Variants in CNOT10 observed in about 807,000 individuals in gnomAD.
The protein encoded by CNOT10 is CCR4-NOT transcription complex subunit 10.
Under a neutral mutation model 94.6 loss-of-function variants are expected in CNOT10, and 30 were observed. The ratio of observed to expected loss-of-function variants is 0.32; its 90% CI spans 0.24 to 0.43. The LOEUF (loss-of-function observed/expected upper bound fraction) is 0.43. CNOT10 is among the 20% of genes least tolerant of loss of function. The probability of loss-of-function intolerance (pLI) is 1.00; values close to 1 mark genes in which losing one functional copy is unlikely to be tolerated. For synonymous variants in CNOT10, 289 were observed against 301.6 expected, an observed-to-expected ratio of 0.96 and a Z score of 0.43; for missense variants, 759 against 877.2, an observed-to-expected ratio of 0.87 and a Z score of 1.70.
chr3:32,773,126 C>T (rs567430811), intron 18 of CNOT10, among the ~76,000 whole-genome samples: 8 of 152,200 alleles, frequency 5.3e-5, no homozygotes, highest in Non-Finnish European at 8.8e-5. Context: ...CTTGGCCTCC[C>T]AAAGTACTAG....
At chr3:32,762,700 C>G in intron 14 of CNOT10, 33 bp from the exon 15 acceptor site, 1 of 1,574,544 alleles carries the variant, frequency 6.4e-7, no homozygotes, top group Non-Finnish European at 8.6e-7. Flanking sequence ...TGACGTTGTA[C>G]TTTTCAGTTT....
At chr3:32,765,005 G>T in intron 17 of CNOT10, 196 bp downstream of exon 17, 1 of 1,508,506 alleles carries the variant, frequency 6.6e-7, no homozygotes, top group Middle Eastern at 1.7e-4. Context: ...TTAAAGGAAA[G>T]TTCTTCTTGA....
chr3:32,740,861 TA>T (rs35227726), intron 13 of CNOT10, among the ~76,000 whole-genome samples: 59,494 of 137,304 alleles, frequency 0.43, 14,612 homozygotes, highest in Non-Finnish European at 0.55. Context: ...GACTCCGTCT[TA>T]AAAAAAAAAA....
chr3:32,690,705 C>T (rs1232771456), intron 1 of CNOT10, among the ~76,000 whole-genome samples: 1 of 151,960 alleles, frequency 6.6e-6, no homozygotes, highest in Non-Finnish European at 1.5e-5. Context: ...TGCCACCATG[C>T]CCGGCTAGTT....
At chr3:32,764,414 CTGT>C in intron 15 of CNOT10, 38 bp from the exon 16 acceptor site, 1 of 1,604,594 alleles carries the variant, frequency 6.2e-7, no homozygotes, top group South Asian at 1.1e-5. Context: ...AAAATATGCT[CTGT>C]TGTTCTGCCC....
chr3:32,746,330 G>C (rs764335338), intron 13 of CNOT10, among the ~76,000 whole-genome samples: 2 of 152,126 alleles, frequency 1.3e-5, no homozygotes, highest in Admixed American at 1.3e-4. Flanking sequence ...TACATTTATT[G>C]TGCACTGTAT....
intron 13 of CNOT10, among the ~76,000 whole-genome samples, chr3:32,751,123 C>T (rs1234138501): frequency 6.6e-6 from 1 of 152,134 alleles, no homozygotes; most frequent in Admixed American, 6.5e-5. Context: ...TTTTTTGAGA[C>T]AGGGTCTTGC....
At chr3:32,738,015 T>A (rs938639418) in intron 13 of CNOT10, among the ~76,000 whole-genome samples, 9 of 152,182 alleles carry the variant, frequency 5.9e-5, no homozygotes, top group Admixed American at 5.2e-4. Context: ...TGGTCCATAC[T>A]TTTCTTTCCT....
intron 13 of CNOT10, among the ~76,000 whole-genome samples, chr3:32,752,089 G>A (rs953235542): frequency 6.6e-6 from 1 of 151,952 alleles, no homozygotes; most frequent in African/African-American, 2.4e-5. Flanking sequence ...GGGATTTCGG[G>A]ACCAGCCTGA....
intron 17 of CNOT10, among the ~76,000 whole-genome samples, chr3:32,767,447 AGGT>A (rs1178957716): frequency 3.7e-5 from 5 of 136,164 alleles, no homozygotes; most frequent in Non-Finnish European, 7.6e-5. Flanking sequence ...TGAACGCAGG[AGGT>A]GGAGGTTGTG....
chr3:32,685,408 C>T lies in CNOT10; in HGVS notation c.-53C>T. On this transcript the variant is annotated 5_prime_UTR_variant, in exon 1 of 19. Coordinates refer to ENST00000328834, the MANE Select transcript of CNOT10 (RefSeq NM_015442.3). ...TCCAGGACAGCGGCCAGCCCGGCGG[C>T]GGGAGTCAGGGCCACGCCACCTGCA... 1.3e-6 allele frequency: 2 copies of T among 1,548,100 alleles called. No individual in the cohort carries two copies. Among genetic ancestry groups the T allele is most frequent in the Non-Finnish European group, 1.7e-6 (2 of 1,145,138 alleles).
At chr3:32,716,350 A>T (rs1396747028) in intron 6 of CNOT10, 39 bp downstream of exon 6, 1 of 986,504 alleles carries the variant, frequency 1.0e-6, no homozygotes, top group Non-Finnish European at 1.6e-6. Flanking sequence ...CATCACATAT[A>T]TTTAATTGTA....
At chr3:32,735,292 C>T (rs962152654) in intron 12 of CNOT10, among the ~76,000 whole-genome samples, 7 of 148,252 alleles carry the variant, frequency 4.7e-5, no homozygotes, top group African/African-American at 1.8e-4. Context: ...TTGCAGCGAG[C>T]CGAGATTGTG....
chr3:32,766,620 G>A (rs1401111434), intron 17 of CNOT10, among the ~76,000 whole-genome samples: 4 of 140,554 alleles, frequency 2.8e-5, no homozygotes, highest in Non-Finnish European at 3.1e-5. Flanking sequence ...GCAACAGAGC[G>A]GGACTCTGTC....
At chr3:32,733,827 C>A (rs1260226213) in intron 11 of CNOT10, among the ~76,000 whole-genome samples, 1 of 152,096 alleles carries the variant, frequency 6.6e-6, no homozygotes, top group African/African-American at 2.4e-5. Flanking sequence ...AAGAGGGCAT[C>A]TTGGTATTTC....
chr3:32,735,901 G>A (rs1699165975), intron 12 of CNOT10, among the ~76,000 whole-genome samples: 1 of 152,114 alleles, frequency 6.6e-6, no homozygotes. Context: ...AAGAGTTCAA[G>A]TCTAGTCTGG....
rs550257168 is a variant in CNOT10 at position 32,756,874 on chromosome 3, C to T, written c.1596-2584C>T. Among the ~76,000 whole-genome samples, 15 of 151,852 alleles carry T rather than the reference C, an allele frequency of 9.9e-5. No individual in the cohort carries two copies. The East Asian group carries it at 1.9e-3, about 20-fold the overall frequency. ...CTATAATCCCAGCACTTTGGGAGGCCGAGGCGGGCAGATCACAAGGTCAGG... is the reference window on the plus strand; with the variant it reads ...CTATAATCCCAGCACTTTGGGAGGCTGAGGCGGGCAGATCACAAGGTCAGG... On this transcript the variant is annotated intron_variant, in intron 13 of 18. Transcript: ENST00000328834.
At chr3:32,754,302 C>G (rs1317316843) in intron 13 of CNOT10, among the ~76,000 whole-genome samples, 1 of 149,148 alleles carries the variant, frequency 6.7e-6, no homozygotes, top group Non-Finnish European at 1.5e-5. Context: ...ATGGTGAAAC[C>G]CCATCTCTAC....
In CNOT10 at chr3:32,769,972, T is replaced by A. The variant is rs749746850; in HGVS notation, c.2080+10T>A. On this transcript the variant is annotated intron_variant, in intron 18 of 18. Transcript: ENST00000328834. The stretch of plus-strand genomic sequence containing the variant: ...CTTGAACTGCAGAATGGTGAGTAAT[T>A]CTCTCTGTTTAGGACTTTATCCCTT... 6.2e-7 allele frequency: 1 copy of A among 1,605,176 alleles called. No individual in the cohort carries two copies. The highest frequency in any genetic ancestry group is 1.1e-5 in the South Asian group (1 of 90,906).
Sources: allele counts gnomAD v4.1 joint callset (sites outside exome capture counted in the v4.1 genomes callset), GRCh38; gene constraint gnomAD v4.1.1; transcripts MANE v1.5; gene names NCBI Gene and HGNC (gene_info 2026-07-23, HGNC 2026-07-21).